KATNIP: variants seen among roughly 807,000 people sequenced by gnomAD.
KATNIP encodes katanin-interacting protein.
Under a neutral mutation model 174.0 loss-of-function variants are expected in KATNIP, and 126 were observed. That is an observed-to-expected ratio of 0.72 (90% confidence interval 0.63 to 0.84). The LOEUF (loss-of-function observed/expected upper bound fraction) is 0.84, where lower values mean the gene tolerates loss of function less well. Ranked by LOEUF, KATNIP falls within the 40% of genes least tolerant of loss-of-function variation. The pLI is 0.00. For missense variants in KATNIP, 1,958 were observed against 2,109.7 expected, an observed-to-expected ratio of 0.93 and a Z score of 1.41; for synonymous variants, 810 against 835.7, an observed-to-expected ratio of 0.97 and a Z score of 0.53.
chr16:27,713,315 T>C (rs1297310398), intron 13 of KATNIP, among the ~76,000 whole-genome samples: 1 of 152,140 alleles, frequency 6.6e-6, no homozygotes, highest in Non-Finnish European at 1.5e-5. Flanking sequence ...AATATATATG[T>C]ATGTATGTAT....
At chr16:27,693,424 T>C (rs1465567836) in intron 8 of KATNIP, among the ~76,000 whole-genome samples, 1 of 152,134 alleles carries the variant, frequency 6.6e-6, no homozygotes, top group Admixed American at 6.6e-5. Context: ...AGTCTCGCTC[T>C]GTGGCCCAGG....
intron 15 of KATNIP, among the ~76,000 whole-genome samples, chr16:27,742,526 C>T (rs1396004591): frequency 2.0e-5 from 3 of 152,252 alleles, no homozygotes; most frequent in East Asian, 1.9e-4. Context: ...CCCCATACCA[C>T]GTGGGAGCAC....
In KATNIP at chr16:27,654,530, A is replaced by G. The variant is rs1342417335; in HGVS notation, c.540+5795A>G. 4 of 1,264,194 alleles carry G rather than the reference A, an allele frequency of 3.2e-6. No individual in the cohort carries two copies. The East Asian group carries it at 1.9e-4, about 59-fold the overall frequency. The allele number at this position is 1,264,194 out of a possible 1,614,324, so 78.3% of individuals were successfully genotyped here. A position where few individuals can be genotyped will look rare whatever the true frequency, so the allele number is the denominator to read the frequency against. ...GAAGATGGGAGGCAGGGAGACCAACAGAAGAGCGAGGCCCCAGCATGTCTT... is the reference window on the plus strand; with the variant it reads ...GAAGATGGGAGGCAGGGAGACCAACGGAAGAGCGAGGCCCCAGCATGTCTT... On this transcript the variant is annotated intron_variant, in intron 6 of 27. Transcript: ENST00000261588.
chr16:27,578,338 A>G (rs1305506710), intron 2 of KATNIP, among the ~76,000 whole-genome samples: 1 of 152,170 alleles, frequency 6.6e-6, no homozygotes, highest in African/African-American at 2.4e-5. Flanking sequence ...ATCTCAAAAA[A>G]AGAAAACAAA....
At chr16:27,674,853 C>T (rs561790821) in intron 6 of KATNIP, among the ~76,000 whole-genome samples, 5 of 152,314 alleles carry the variant, frequency 3.3e-5, no homozygotes, top group African/African-American at 1.2e-4. Flanking sequence ...CCAAAACTCT[C>T]AATCCATTAC....
intron 1 of KATNIP, among the ~76,000 whole-genome samples, chr16:27,562,732 G>A (rs531616808): frequency 6.6e-6 from 1 of 152,224 alleles, no homozygotes; most frequent in South Asian, 2.1e-4. Context: ...ATATATTTCA[G>A]CCTGGGAAGC....
intron 13 of KATNIP, among the ~76,000 whole-genome samples, chr16:27,713,660 TACAC>T (rs1567335667): frequency 1.3e-5 from 2 of 149,032 alleles, no homozygotes; most frequent in African/African-American, 2.4e-5. Context: ...TGTATATATA[TACAC>T]ATACATATTA....
intron 2 of KATNIP, among the ~76,000 whole-genome samples, chr16:27,590,244 A>T (rs1289654464): frequency 6.6e-6 from 1 of 151,248 alleles, no homozygotes; most frequent in African/African-American, 2.4e-5. Flanking sequence ...TCTTTCATGG[A>T]TGTTGGTTTT....
In KATNIP at chr16:27,777,669, G is replaced by A. The variant is rs72780133; in HGVS notation, c.4611G>A (p.Val1537=). ...NGILAMVSHL[V]GGILPTCEPT... is the part of the protein sequence containing the mutation. ...TCCTGGCCATGGTGAGCCACCTGGT[G>A]GGGGGCATCCTGCCCACATGTGAGC... The change falls in exon 26 of 28, where the codon GTG becomes GTA. Residue 1537 remains valine, a synonymous_variant. Coordinates refer to ENST00000261588, the MANE Select transcript of KATNIP (RefSeq NM_015202.5). The surrounding 1 kb of genome is among the most constrained non-coding windows in gnomAD (Gnocchi z 4.4). 4 of 1,613,858 alleles carry A rather than the reference G, an allele frequency of 2.5e-6. No homozygotes were observed. The highest frequency in any genetic ancestry group is 3.4e-6 in the Non-Finnish European group (4 of 1,179,856).
intron 3 of KATNIP, among the ~76,000 whole-genome samples, chr16:27,628,025 T>A (rs1474004803): frequency 1.3e-5 from 2 of 152,254 alleles, no homozygotes; most frequent in Non-Finnish European, 2.9e-5. Flanking sequence ...AAAGATGTGA[T>A]AATCCTATTG....
intron 19 of KATNIP, among the ~76,000 whole-genome samples, chr16:27,762,963 G>A (rs952662010): frequency 9.9e-5 from 15 of 152,170 alleles, no homozygotes; most frequent in African/African-American, 3.6e-4. Context: ...CAGTATTTCA[G>A]TGTATACCTC....
chr16:27,580,313 G>T lies in KATNIP; in HGVS notation c.63+6357G>T, dbSNP rs548052344. ...TTTTTTGTAGAAACAGGGTTTTGCCGTGTTGCCCAGGTTGATCTTGAACTC... is the reference window on the plus strand; with the variant it reads ...TTTTTTGTAGAAACAGGGTTTTGCCTTGTTGCCCAGGTTGATCTTGAACTC... On this transcript the variant is annotated intron_variant, in intron 2 of 27. Coordinates refer to ENST00000261588, the MANE Select transcript of KATNIP (RefSeq NM_015202.5). 2.0e-5 allele frequency among the ~76,000 whole-genome samples: 3 copies of T among 152,186 alleles called. No homozygotes were observed. In the South Asian group the frequency reaches 6.2e-4, roughly 32 times the overall value.
At chr16:27,701,844 G>T (rs2079111327) in intron 11 of KATNIP, 149 bp downstream of exon 11, 1 of 615,356 alleles carries the variant, frequency 1.6e-6, no homozygotes, top group Non-Finnish European at 2.9e-6. Context: ...GCCCAGGCTG[G>T]AGTGCAGTGG....
intron 19 of KATNIP, among the ~76,000 whole-genome samples, chr16:27,764,022 C>T (rs927685075): frequency 1.5e-4 from 23 of 152,284 alleles, no homozygotes; most frequent in South Asian, 6.2e-4. Context: ...TGTCTGGTTG[C>T]CAGGCTCTTT....
At position 27,671,845 on chromosome 16, in the gene KATNIP, C is replaced by T. The variant is rs924699302; in HGVS notation, c.541-5884C>T. 2.6e-5 allele frequency among the ~76,000 whole-genome samples: 4 copies of T among 152,106 alleles called. 1 individual carries two copies. Among genetic ancestry groups the T allele is most frequent in the African/African-American group, 4.8e-5 (2 of 41,420 alleles). On this transcript the variant is annotated intron_variant, in intron 6 of 27. Transcript: ENST00000261588. Reference sequence around the variant, plus strand: ...CTGAGGCGGGTGGATCACCTGAAGTCGGGAGTTCAAGACCAGCCTGGCCAA... The same window carrying T: ...CTGAGGCGGGTGGATCACCTGAAGTTGGGAGTTCAAGACCAGCCTGGCCAA...
Position 27,751,673 on chromosome 16 carries a change from G to A in KATNIP, c.3347-46G>A, listed in dbSNP as rs758303182. 3.2e-6 allele frequency: 5 copies of A among 1,577,280 alleles called. No individual in the cohort carries two copies. In the South Asian group the frequency reaches 4.5e-5, roughly 14 times the overall value. On this transcript the variant is annotated intron_variant, in intron 16 of 27. Coordinates refer to ENST00000261588, the MANE Select transcript of KATNIP (RefSeq NM_015202.5). ...TAGGCTCTTGATCTACAAATCTCTG[G>A]GATGTGAAGTGAGTTGACCTTTCTG...
At chr16:27,769,809 G>A in intron 20 of KATNIP, 52 bp from the exon 21 acceptor site, 1 of 1,598,314 alleles carries the variant, frequency 6.3e-7, no homozygotes, top group East Asian at 2.2e-5. Context: ...CACCGCTTCT[G>A]TCCCCACATG....
At chr16:27,563,081 T>G (rs2089952713) in intron 1 of KATNIP, among the ~76,000 whole-genome samples, 2 of 152,214 alleles carry the variant, frequency 1.3e-5, no homozygotes, top group African/African-American at 4.8e-5. Flanking sequence ...TGTGGAGAAT[T>G]CACTGATAAG....
At position 27,772,876 on chromosome 16, in the gene KATNIP, C is replaced by T. The variant is rs1475861644; in HGVS notation, c.4199-223C>T. On this transcript the variant is annotated intron_variant, in intron 22 of 27. Coordinates refer to ENST00000261588, the MANE Select transcript of KATNIP (RefSeq NM_015202.5). The stretch of plus-strand genomic sequence containing the variant: ...GTGCACACATGCATGCATACACACA[C>T]ATGAACACTCACATGCACACACACA... Among the ~76,000 whole-genome samples the T allele has an allele frequency of 2.6e-5, 4 of 152,002 alleles. No homozygotes were observed. In the South Asian group the frequency reaches 6.2e-4, roughly 24 times the overall value.
Sources: gnomAD v4.1 joint callset for allele counts (sites outside exome capture counted in the v4.1 genomes callset) on GRCh38, gnomAD v4.1.1 for gene constraint, Gnocchi (gnomAD v3.1) non-coding constraint, MANE v1.5 for transcripts, NCBI Gene and HGNC (gene_info 2026-07-23, HGNC 2026-07-21) for gene names.